The following ELF2 variants were observed in gnomAD, a reference collection of about 807,000 sequenced individuals.
ELF2 encodes ETS-related transcription factor Elf-2.
Under a neutral mutation model 54.8 loss-of-function variants are expected in ELF2, and 11 were observed. The ratio of observed to expected loss-of-function variants is 0.20; its 90% CI spans 0.13 to 0.33. The LOEUF (loss-of-function observed/expected upper bound fraction) is 0.33, where lower values mean the gene tolerates loss of function less well. ELF2 is among the 10% of genes least tolerant of loss of function. ELF2 has a pLI of 1.00. For missense variants in ELF2, 513 were observed against 703.0 expected (o/e 0.73, Z 3.06); for synonymous variants, 203 against 245.1 (o/e 0.83, Z 1.61).
chr4:139,128,970 C>A (rs541866931), intron 3 of ELF2, among the ~76,000 whole-genome samples: 1 of 151,078 alleles, frequency 6.6e-6, no homozygotes, highest in South Asian at 2.1e-4. Context: ...AATGGAGTTT[C>A]GCTCGTTGCC....
intron 4 of ELF2, among the ~76,000 whole-genome samples, chr4:139,094,357 C>T (rs1048526602): frequency 6.6e-6 from 1 of 152,298 alleles, no homozygotes; most frequent in East Asian, 1.9e-4. Flanking sequence ...AGCCACATAA[C>T]CAGCCCGTAA....
rs576340729 is a variant in ELF2, at chr4:139,138,415, C to CAA, written c.-166-550_-166-549dup. 7.3e-3 allele frequency among the ~76,000 whole-genome samples: 912 copies of CAA among 125,508 alleles called. 14 individuals are homozygous for CAA. Among genetic ancestry groups the CAA allele is most frequent in the African/African-American group, 0.026 (879 of 33,914 alleles). The allele number at this position is 125,508 out of a possible 152,430, so 82.3% of individuals were successfully genotyped here. A position where few individuals can be genotyped will look rare whatever the true frequency, so the allele number is the denominator to read the frequency against. ...CTGGCGACAGAGTGAGATTCCACCT[C>CAA]AAAAAAAAAAAAAAGTTATAACTTT... On this transcript the variant is annotated intron_variant, in intron 2 of 9. Transcript: ENST00000686138.
At chr4:139,131,236 A>G (rs1737460425) in intron 3 of ELF2, among the ~76,000 whole-genome samples, 1 of 152,204 alleles carries the variant, frequency 6.6e-6, no homozygotes, top group African/African-American at 2.4e-5. Flanking sequence ...ACTTAAAGTA[A>G]AAAGTCATTT....
At chr4:139,161,130 C>T (rs1398289944) in intron 1 of ELF2, among the ~76,000 whole-genome samples, 2 of 152,060 alleles carry the variant, frequency 1.3e-5, no homozygotes. Flanking sequence ...CCAGAAATTC[C>T]TTGAGGAATT....
In ELF2 at chr4:139,137,454, C is replaced by A. The variant is rs543185058; in HGVS notation, c.72+176G>T. 7.8e-6 allele frequency: 5 copies of A among 643,316 alleles called. No homozygotes were observed. The South Asian group carries it at 8.0e-5, about 10-fold the overall frequency. The allele number at this position is 643,316 out of a possible 1,614,324, so 39.9% of individuals were successfully genotyped here. A position where few individuals can be genotyped will look rare whatever the true frequency, so the allele number is the denominator to read the frequency against. ...GTTCCAACAATTCACGTAAGCCCTG[C>A]AATACCTTCCTTGACCTTCTATTAC... On this transcript the variant is annotated intron_variant, in intron 3 of 9. Coordinates refer to ENST00000686138, the MANE Select transcript of ELF2 (RefSeq NM_001331036.3).
At chr4:139,115,378 G>C in intron 4 of ELF2, 2 of 1,043,780 alleles carry the variant, frequency 1.9e-6, no homozygotes, top group Non-Finnish European at 2.3e-6. Flanking sequence ...CCGCCATGGC[G>C]GCCGCCGGGG....
intron 1 of ELF2, chr4:139,155,543 G>A (rs755193345): frequency 6.6e-6 from 1 of 152,142 alleles, no homozygotes; most frequent in Non-Finnish European, 1.5e-5. Flanking sequence ...CCAGGAGTTC[G>A]AGACTAACCT....
At chr4:139,136,513 C>T (rs1738169066) in intron 3 of ELF2, among the ~76,000 whole-genome samples, 1 of 151,860 alleles carries the variant, frequency 6.6e-6, no homozygotes, top group East Asian at 1.9e-4. Context: ...GTAGGAAGCA[C>T]GAGTAATGCA....
intron 4 of ELF2, among the ~76,000 whole-genome samples, chr4:139,113,256 G>C (rs1184706684): frequency 6.6e-6 from 1 of 151,874 alleles, no homozygotes; most frequent in East Asian, 2.0e-4. Flanking sequence ...TACTAGGGAG[G>C]CTAAGGTGGG....
chr4:139,160,797 T>G (rs1197009585), intron 1 of ELF2, among the ~76,000 whole-genome samples: 2 of 151,990 alleles, frequency 1.3e-5, no homozygotes, highest in African/African-American at 4.8e-5. Flanking sequence ...ACCCCGACTC[T>G]ACTAAAAATA....
chr4:139,124,909 A>G (rs111855564), intron 4 of ELF2, among the ~76,000 whole-genome samples: 93 of 152,310 alleles, frequency 6.1e-4, no homozygotes, highest in Non-Finnish European at 1.1e-3. Context: ...AAATAATAAA[A>G]TAACTTTATC....
At chr4:139,084,320 C>T in intron 4 of ELF2, 1 of 1,573,628 alleles carries the variant, frequency 6.4e-7, no homozygotes. Context: ...CACTCGCACA[C>T]ACTCCGACGC....
At position 139,141,489 on chromosome 4, in the gene ELF2, A is replaced by G. The variant is rs560532221; in HGVS notation, c.-251-1992T>C. ...CCATCCCTTAAACACAGGGGATCCC[A>G]TATGTGTTGTACAGTCAAGAGAGGA... On this transcript the variant is annotated intron_variant, in intron 1 of 9. Coordinates refer to ENST00000686138, the MANE Select transcript of ELF2 (RefSeq NM_001331036.3). Among the ~76,000 whole-genome samples the G allele has an allele frequency of 1.1e-4, 16 of 152,326 alleles. No individual in the cohort carries two copies. In the South Asian group the frequency reaches 3.3e-3, roughly 32 times the overall value.
chr4:139,106,515 A>G (rs1734424331), intron 4 of ELF2, among the ~76,000 whole-genome samples: 1 of 152,102 alleles, frequency 6.6e-6, no homozygotes, highest in African/African-American at 2.4e-5. Flanking sequence ...TTTTAGTAGT[A>G]TCTGTGACTT....
chr4:139,149,853 G>T (rs1256102563), intron 1 of ELF2, among the ~76,000 whole-genome samples: 4 of 152,132 alleles, frequency 2.6e-5, no homozygotes, highest in Non-Finnish European at 2.9e-5. Flanking sequence ...TGTATTTCCA[G>T]TTAAAAATCC....
intron 1 of ELF2, among the ~76,000 whole-genome samples, chr4:139,170,333 C>T (rs1411167835): frequency 3.0e-5 from 4 of 135,274 alleles, no homozygotes; most frequent in Non-Finnish European, 6.1e-5. Flanking sequence ...GGTGCGATCT[C>T]GGCTCACTGC....
intron 1 of ELF2, among the ~76,000 whole-genome samples, chr4:139,155,910 TA>T (rs11321188): frequency 0.02 from 2,997 of 152,268 alleles, 39 homozygotes; most frequent in African/African-American, 0.039. Context: ...TCCAGATGTT[TA>T]AAAATGATGC....
In ELF2 at chr4:139,100,581, G is replaced by A. The variant is rs538092737; in HGVS notation, c.238+24583C>T. ...GGAAACAGAGCAAGTCAAAACTCCT[G>A]TCCTGATGAGTAGTGGGACTGCACC... On this transcript the variant is annotated intron_variant, in intron 4 of 9. Transcript: ENST00000686138. 2.6e-5 allele frequency: 4 copies of A among 152,330 alleles called. No individual in the cohort carries two copies. The South Asian group carries it at 8.3e-4, about 32-fold the overall frequency. 9.4% of individuals were successfully genotyped at this position (152,330 alleles called of 1,614,324 possible).
chr4:139,136,589 C>T (rs1318266512), intron 3 of ELF2, among the ~76,000 whole-genome samples: 2 of 151,884 alleles, frequency 1.3e-5, no homozygotes, highest in Admixed American at 6.6e-5. Context: ...CATTTTCCCA[C>T]CTCAGCTCTG....
Sources: allele counts gnomAD v4.1 joint callset (sites outside exome capture counted in the v4.1 genomes callset), GRCh38; gene constraint gnomAD v4.1.1; transcripts MANE v1.5; gene names NCBI Gene and HGNC (gene_info 2026-07-23, HGNC 2026-07-21).